The following CPQ variants were observed in gnomAD, a reference collection of about 807,000 sequenced individuals.
The protein encoded by CPQ is carboxypeptidase Q, also known as Ser-Met dipeptidase.
In CPQ, 37 loss-of-function variants were observed where a neutral mutation model predicts 45.7. The ratio of observed to expected loss-of-function variants is 0.81; its 90% CI spans 0.62 to 1.07. The LOEUF (loss-of-function observed/expected upper bound fraction) is 1.07, where lower values mean the gene tolerates loss of function less well. CPQ is among the 50% of genes least tolerant of loss of function. CPQ has a pLI of 0.00. For missense variants in CPQ, 537 were observed against 572.9 expected, an observed-to-expected ratio of 0.94 and a Z score of 0.64; for synonymous variants, 186 against 205.8, an observed-to-expected ratio of 0.90 and a Z score of 0.82.
At position 97,105,847 on chromosome 8, in the gene CPQ, C is replaced by A. The variant is rs566653149; in HGVS notation, c.1256-37173C>A. Among the ~76,000 whole-genome samples, 5 of 152,316 alleles carry A rather than the reference C, an allele frequency of 3.3e-5. No individual in the cohort carries two copies. In the South Asian group the frequency reaches 1.0e-3, roughly 32 times the overall value. On this transcript the variant is annotated intron_variant, in intron 7 of 7. Transcript: ENST00000220763. ...CATTTAATTTCCTATACAGTACTTT[C>A]ATTCTGCAAAAATCAGTTACATTTC...
chr8:96,939,228 G>A (rs1813092717), intron 4 of CPQ, among the ~76,000 whole-genome samples: 1 of 152,162 alleles, frequency 6.6e-6, no homozygotes, highest in South Asian at 2.1e-4. Context: ...GCATTAGTTA[G>A]AATTACCTAA....
intron 1 of CPQ, among the ~76,000 whole-genome samples, chr8:96,735,089 A>G (rs1326771994): frequency 6.6e-6 from 1 of 152,032 alleles, no homozygotes; most frequent in Non-Finnish European, 1.5e-5. Context: ...CCCATCCTGT[A>G]TGTTTTTATA....
chr8:96,877,615 C>T (rs1408311510), intron 3 of CPQ, among the ~76,000 whole-genome samples: 3 of 152,236 alleles, frequency 2.0e-5, no homozygotes, highest in Non-Finnish European at 4.4e-5. Context: ...GAAGTAATAA[C>T]AACTAATTTT....
At chr8:96,989,765 C>T (rs1205909374) in intron 5 of CPQ, among the ~76,000 whole-genome samples, 2 of 152,096 alleles carry the variant, frequency 1.3e-5, no homozygotes, top group African/African-American at 4.8e-5. Flanking sequence ...AATAGAGATG[C>T]ACCCTTTCTT....
intron 4 of CPQ, among the ~76,000 whole-genome samples, chr8:96,901,713 T>C (rs1269053815): frequency 6.6e-6 from 1 of 152,096 alleles, no homozygotes; most frequent in Non-Finnish European, 1.5e-5. Context: ...GGAACAGAAG[T>C]GGGAGACTGG....
chr8:96,862,369 A>G (rs563999289), intron 3 of CPQ, among the ~76,000 whole-genome samples: 20 of 151,460 alleles, frequency 1.3e-4, no homozygotes, highest in African/African-American at 4.6e-4. Context: ...ACTGGTTATA[A>G]TCTATGTAAA....
At chr8:96,853,421 G>C (rs574828171) in intron 3 of CPQ, among the ~76,000 whole-genome samples, 1 of 152,164 alleles carries the variant, frequency 6.6e-6, no homozygotes, top group Admixed American at 6.5e-5. Context: ...GACATTTGCT[G>C]TTTGCTTTTG....
chr8:96,920,466 A>G (rs1246163105), intron 4 of CPQ, among the ~76,000 whole-genome samples: 1 of 152,142 alleles, frequency 6.6e-6, no homozygotes, highest in African/African-American at 2.4e-5. Context: ...GCTGTAATTT[A>G]ATTCTGCCAT....
intron 4 of CPQ, among the ~76,000 whole-genome samples, chr8:96,897,128 A>G (rs1192367451): frequency 6.6e-6 from 1 of 152,178 alleles, no homozygotes; most frequent in African/African-American, 2.4e-5. Context: ...GACAGTATTG[A>G]ATAGGAAGAT....
intron 7 of CPQ, among the ~76,000 whole-genome samples, chr8:97,101,565 CTTTTTTCTTTTTTTT>C (rs1811305410): frequency 1.1e-5 from 1 of 87,476 alleles, no homozygotes; most frequent in South Asian, 3.5e-4. Context: ...GTCTTTTTTT[CTTTTTTCTTTTTTTT>C]TTTTTTTTTT....
intron 1 of CPQ, among the ~76,000 whole-genome samples, chr8:96,721,256 T>C (rs911541641): frequency 1.3e-5 from 2 of 151,964 alleles, no homozygotes; most frequent in Non-Finnish European, 2.9e-5. Flanking sequence ...TGTCCTCTGC[T>C]TGGACTCTAG....
chr8:96,711,088 C>CT (rs1176852592), intron 1 of CPQ, among the ~76,000 whole-genome samples: 1 of 151,930 alleles, frequency 6.6e-6, no homozygotes, highest in Non-Finnish European at 1.5e-5. Flanking sequence ...TTTGCCCCCC[C>CT]TTTTTTTCTT....
intron 2 of CPQ, among the ~76,000 whole-genome samples, chr8:96,831,144 G>C (rs572821285): frequency 1.3e-5 from 2 of 152,228 alleles, no homozygotes; most frequent in South Asian, 4.1e-4. Context: ...TTCCTTGGAA[G>C]TATACATTTC....
chr8:97,064,984 T>C (rs1233548229), intron 6 of CPQ, among the ~76,000 whole-genome samples: 1 of 152,184 alleles, frequency 6.6e-6, no homozygotes, highest in Non-Finnish European at 1.5e-5. Context: ...GCTTTGTCTA[T>C]TTTATGAGTT....
intron 1 of CPQ, among the ~76,000 whole-genome samples, chr8:96,680,261 T>G (rs966920752): frequency 6.6e-6 from 1 of 152,220 alleles, no homozygotes; most frequent in Non-Finnish European, 1.5e-5. Flanking sequence ...ATAGTTTTAG[T>G]TCATTGTTGA....
Position 96,787,525 on chromosome 8 carries a change from C to CTTTTTTTTTTTTTTTTTT in CPQ, c.433+2208_433+2225dup, listed in dbSNP as rs71267281. 5.1e-3 allele frequency among the ~76,000 whole-genome samples: 244 copies of CTTTTTTTTTTTTTTTTTT among 47,590 alleles called. 81 individuals carry two copies. Among genetic ancestry groups the CTTTTTTTTTTTTTTTTTT allele is most frequent in the Middle Eastern group, 0.031 (2 of 64 alleles). 31.2% of individuals were successfully genotyped at this position (47,590 alleles called of 152,430 possible). On this transcript the variant is annotated intron_variant, in intron 2 of 7. Transcript: ENST00000220763. ...TTGTAGTTTCATTTTCTTATAATGT[C>CTTTTTTTTTTTTTTTTTT]TTTTTTTTTTTTTTTTTTTTTTTTT...
intron 1 of CPQ, among the ~76,000 whole-genome samples, chr8:96,765,503 GA>G (rs1237787455): frequency 5.7e-4 from 83 of 144,680 alleles, no homozygotes; most frequent in East Asian, 1.8e-3. Context: ...GAAGAGCCTG[GA>G]AAAAAAAAAA....
chr8:96,693,365 G>A (rs1453675604), intron 1 of CPQ, among the ~76,000 whole-genome samples: 2 of 151,830 alleles, frequency 1.3e-5, no homozygotes, highest in Non-Finnish European at 1.5e-5. Flanking sequence ...AGTACAAGAA[G>A]GTTATAGAAC....
chr8:97,005,184 C>G (rs147482086), intron 5 of CPQ, among the ~76,000 whole-genome samples: 1 of 151,550 alleles, frequency 6.6e-6, no homozygotes, highest in Non-Finnish European at 1.5e-5. Flanking sequence ...CGGGTTCAAG[C>G]GGTTCTTCTG....
Sources: gnomAD v4.1 joint callset for allele counts (sites outside exome capture counted in the v4.1 genomes callset) on GRCh38, gnomAD v4.1.1 for gene constraint, MANE v1.5 for transcripts, NCBI Gene and HGNC (gene_info 2026-07-23, HGNC 2026-07-21) for gene names.